Variants in FAM184A observed in about 807,000 individuals in gnomAD.
FAM184A encodes the protein protein FAM184A.
Under a neutral mutation model 143.8 loss-of-function variants are expected in FAM184A, and 99 were observed. That is an observed-to-expected ratio of 0.69 (90% confidence interval 0.58 to 0.81). The LOEUF is 0.81. Among genes scored for constraint, FAM184A ranks in the 40% least tolerant of loss-of-function variants. The pLI, the probability that FAM184A is intolerant of heterozygous loss-of-function variation, is 0.00. For missense variants in FAM184A, 1,217 were observed against 1,310.5 expected (o/e 0.93, Z 1.10); for synonymous variants, 427 against 446.4 (o/e 0.96, Z 0.55).
chr6:119,001,419 G>A (rs1252068592), intron 9 of FAM184A, among the ~76,000 whole-genome samples: 2 of 151,844 alleles, frequency 1.3e-5, no homozygotes, highest in African/African-American at 2.4e-5. Context: ...TGGTTAATCT[G>A]CTTTGAAAAT....
At chr6:119,050,811 CAAA>C (rs1239635141) in intron 1 of FAM184A, among the ~76,000 whole-genome samples, 7 of 74,954 alleles carry the variant, frequency 9.3e-5, no homozygotes, top group Admixed American at 3.1e-4. Context: ...GACTCCGTCT[CAAA>C]AAAAAAAAAA....
intron 1 of FAM184A, among the ~76,000 whole-genome samples, chr6:119,054,830 C>G (rs1037389235): frequency 6.6e-6 from 1 of 151,384 alleles, no homozygotes; most frequent in Non-Finnish European, 1.5e-5. Context: ...CAGGAATATT[C>G]ACGCTTTGAG....
rs563388727 is a variant in FAM184A, at chr6:119,018,795, T to C, written c.1332+1183A>G. ...AGCAGGGGAGGATGGAATAAAAATA[T>C]ATTAAGGAAGTAGAACCAACAGGAC... On this transcript the variant is annotated intron_variant, in intron 4 of 17. Transcript: ENST00000338891. 2.0e-5 allele frequency among the ~76,000 whole-genome samples: 3 copies of C among 151,972 alleles called. No homozygotes were observed. The South Asian group carries it at 6.3e-4, about 32-fold the overall frequency.
intron 17 of FAM184A, 69 bp downstream of exon 17, chr6:118,961,692 G>T: frequency 1.6e-6 from 2 of 1,249,180 alleles, no homozygotes; most frequent in Non-Finnish European, 2.3e-6. Context: ...AGTGATTTCT[G>T]CAATGTAAGA....
rs1215054065 is a variant in FAM184A at position 118,979,457 on chromosome 6, T to C, written c.2363A>G (p.His788Arg). The C allele has an allele frequency of 2.5e-6, 4 of 1,613,912 alleles. No homozygotes were observed. The highest frequency in any genetic ancestry group is 1.7e-5 in the Admixed American group (1 of 60,006). ...CCGGAAGCCCTCCATTGACTCTCTG[T>C]GTGCATCTTTTAGTGATTGAAGCTC... ...SAELQSLKDA[H>R]RESMEGFRIE... The change falls in exon 11 of 18, where the codon CAC becomes CGC. Residue 788 changes from histidine to arginine, a missense_variant. Physicochemically the swap from His to Arg is conservative, Grantham distance 29 (BLOSUM62 0). Transcript: ENST00000338891.
chr6:119,094,261 C>CCTTTACTTGCTGTCATGGAAGACTTCTGA (rs1788449662), intron 1 of FAM184A, among the ~76,000 whole-genome samples: 1 of 151,994 alleles, frequency 6.6e-6, no homozygotes, highest in Admixed American at 6.6e-5. Context: ...CTACACAGTC[C>CCTTTACTTGCTGTCATGGAAGACTTCTGA]CTTTACTTGC....
At chr6:118,966,371 A>T (rs906727266) in intron 15 of FAM184A, among the ~76,000 whole-genome samples, 1 of 151,996 alleles carries the variant, frequency 6.6e-6, no homozygotes, top group Non-Finnish European at 1.5e-5. Context: ...ATTATGGAAC[A>T]TTTTTTTTCT....
intron 1 of FAM184A, among the ~76,000 whole-genome samples, chr6:119,132,162 T>C (rs1789550368): frequency 6.6e-6 from 1 of 152,244 alleles, no homozygotes; most frequent in African/African-American, 2.4e-5. Flanking sequence ...AAATAACAAA[T>C]GCCAAATTCT....
At chr6:119,098,438 T>C (rs73533322) in intron 1 of FAM184A, among the ~76,000 whole-genome samples, 4,285 of 152,334 alleles carry the variant, frequency 0.028, 226 homozygotes, top group African/African-American at 0.098. Context: ...CCAACCTCCC[T>C]GTGTCTTACA....
chr6:119,003,676 G>C (rs1784836318), intron 7 of FAM184A, 54 bp from the exon 8 acceptor site: 1 of 1,511,324 alleles, frequency 6.6e-7, no homozygotes. Context: ...AAACACTGCT[G>C]GTTATTTTAA....
At chr6:119,132,876 G>A (rs191772775) in intron 1 of FAM184A, among the ~76,000 whole-genome samples, 5 of 152,348 alleles carry the variant, frequency 3.3e-5, no homozygotes, top group South Asian at 2.1e-4. Flanking sequence ...TAGAAGGTGG[G>A]TTGACTGGGA....
chr6:119,062,226 T>C (rs1043711055), intron 1 of FAM184A, among the ~76,000 whole-genome samples: 2 of 152,220 alleles, frequency 1.3e-5, no homozygotes, highest in African/African-American at 2.4e-5. Context: ...AAATAACTAC[T>C]TCAAGAAGTA....
At chr6:118,989,582 A>G (rs559505107) in intron 9 of FAM184A, among the ~76,000 whole-genome samples, 1 of 115,870 alleles carries the variant, frequency 8.6e-6, no homozygotes, top group African/African-American at 2.9e-5. Context: ...ATAACTTATT[A>G]AAGTTGCAAA....
chr6:119,040,259 G>A (rs920050139), intron 1 of FAM184A, among the ~76,000 whole-genome samples: 8 of 152,140 alleles, frequency 5.3e-5, no homozygotes, highest in African/African-American at 1.2e-4. Flanking sequence ...ATTTGCCGCC[G>A]GTAACTCGGG....
chr6:119,086,570 A>G (rs1336439841), intron 1 of FAM184A, among the ~76,000 whole-genome samples: 2 of 152,158 alleles, frequency 1.3e-5, no homozygotes, highest in Admixed American at 1.3e-4. Context: ...AGCATGACCT[A>G]TTTAGGGAAA....
chr6:119,111,634 T>C (rs1468395983), intron 1 of FAM184A, among the ~76,000 whole-genome samples: 1 of 152,228 alleles, frequency 6.6e-6, no homozygotes, highest in East Asian at 1.9e-4. Flanking sequence ...ACTAAGTCTG[T>C]TGGGTTTCCC....
rs1175496222 is a variant in FAM184A at position 119,041,535 on chromosome 6, G to C, written c.160-16722C>G. Among the ~76,000 whole-genome samples, 3 of 152,176 alleles carry C rather than the reference G, an allele frequency of 2.0e-5. No homozygotes were observed. In the East Asian group the frequency reaches 5.8e-4, roughly 29 times the overall value. On this transcript the variant is annotated intron_variant, in intron 1 of 17. Transcript: ENST00000338891. ...GATATAAACCCAGACATTCCAGCTGGCAACCGCTACCCTCTTTGGGTCCCC... is the reference window on the plus strand; with the variant it reads ...GATATAAACCCAGACATTCCAGCTGCCAACCGCTACCCTCTTTGGGTCCCC...
chr6:119,011,265 T>C (rs751896665), intron 6 of FAM184A, 44 bp downstream of exon 6: 1 of 1,531,326 alleles, frequency 6.5e-7, no homozygotes, highest in Non-Finnish European at 8.9e-7. Flanking sequence ...AAGTTATTAT[T>C]ATTAAAATCT....
chr6:119,014,775 T>C (rs1785187325), intron 5 of FAM184A, among the ~76,000 whole-genome samples: 1 of 152,112 alleles, frequency 6.6e-6, no homozygotes. Context: ...ATGAAGGAAA[T>C]CAGCTGAGTG....
Sources: gnomAD v4.1 joint callset for allele counts (sites outside exome capture counted in the v4.1 genomes callset) on GRCh38, gnomAD v4.1.1 for gene constraint, MANE v1.5 for transcripts, NCBI Gene and HGNC (gene_info 2026-07-23, HGNC 2026-07-21) for gene names.